Variants in SLC45A1 observed in about 807,000 individuals in gnomAD.
The protein encoded by SLC45A1 is proton-associated sugar transporter A.
SLC45A1 carries 28 observed loss-of-function variants against 57.6 expected under a neutral mutation model. The ratio of observed to expected loss-of-function variants is 0.49; its 90% CI spans 0.36 to 0.67. The LOEUF (loss-of-function observed/expected upper bound fraction) is 0.67, where lower values mean the gene tolerates loss of function less well. Ranked by LOEUF, SLC45A1 falls within the 30% of genes least tolerant of loss-of-function variation. The pLI, the probability that SLC45A1 is intolerant of heterozygous loss-of-function variation, is 0.00. For synonymous variants in SLC45A1, 459 were observed against 471.5 expected (o/e 0.97, Z 0.34); for missense variants, 814 against 1,041.5 (o/e 0.78, Z 3.01).
At chr1:8,340,252 TC>T (rs1640768127) in intron 8 of SLC45A1, among the ~76,000 whole-genome samples, 1 of 151,076 alleles carries the variant, frequency 6.6e-6, no homozygotes, top group Non-Finnish European at 1.5e-5. Flanking sequence ...AACCTCCGCC[TC>T]CCGGGTTCAA....
intron 1 of SLC45A1, among the ~76,000 whole-genome samples, chr1:8,319,097 A>G (rs1178614650): frequency 2.0e-5 from 3 of 152,130 alleles, no homozygotes; most frequent in Non-Finnish European, 4.4e-5. Flanking sequence ...CCTGGCCAAC[A>G]TGGTGAAACC....
intron 1 of SLC45A1, among the ~76,000 whole-genome samples, chr1:8,318,533 C>T (rs955051848): frequency 6.6e-6 from 1 of 152,194 alleles, no homozygotes; most frequent in Non-Finnish European, 1.5e-5. Context: ...TCATCCGCTC[C>T]CGGCTCACCT....
Position 8,330,211 on chromosome 1 carries a change from C to T in SLC45A1, c.718C>T (p.Leu240Phe), listed in dbSNP as rs1640340183. ...GLNIHALLAG[L>F]GGGFGYVVGG... ...TCAAACCCTGTCTCTTTCCCCAGGTCTCGGAGGAGGCTTTGGATACGTGGT... is the reference window on the plus strand; with the variant it reads ...TCAAACCCTGTCTCTTTCCCCAGGTTTCGGAGGAGGCTTTGGATACGTGGT... Residue 240 changes from leucine (L) to phenylalanine (F), a missense_variant and splice_region_variant, in exon 5 of 9, where the codon CTC becomes TTC. Leu to Phe is a conservative substitution (Grantham distance 22). Transcript: ENST00000471889. The surrounding 1 kb of genome is among the most constrained non-coding windows in gnomAD (Gnocchi z 8.4). 6.2e-7 allele frequency: 1 copy of T among 1,612,694 alleles called. No homozygotes were observed. Among genetic ancestry groups the T allele is most frequent in the African/African-American group, 1.3e-5 (1 of 74,854 alleles).
intron 8 of SLC45A1, among the ~76,000 whole-genome samples, chr1:8,342,431 CCTCCCA>C (rs1420877775): frequency 6.6e-6 from 1 of 152,120 alleles, no homozygotes; most frequent in Non-Finnish European, 1.5e-5. Context: ...CCCCTCTGAC[CCTCCCA>C]CTCTCCCAGG....
At position 8,330,377 on chromosome 1, in the gene SLC45A1, C is replaced by T. The variant is rs753204552; in HGVS notation, c.884C>T (p.Pro295Leu). 4.3e-6 allele frequency: 7 copies of T among 1,612,888 alleles called. No individual in the cohort carries two copies. The highest frequency in any genetic ancestry group is 1.3e-5 in the African/African-American group (1 of 74,892). ...LVSIPERPLR[P>L]PSEKRAAMKS... ...AGCATCCCTGAGAGGCCGCTGCGGC[C>T]GCCGAGTGAGAAGCGGGCAGCCATG... Residue 295 changes from proline (P) to leucine (L), a missense_variant, in exon 5 of 9, where the codon CCG (proline) becomes CTG (leucine). Physicochemically the swap from Pro to Leu is moderately conservative, Grantham distance 98. Transcript: ENST00000471889. The surrounding 1 kb of genome is among the most constrained non-coding windows in gnomAD (Gnocchi z 8.4).
intron 5 of SLC45A1, among the ~76,000 whole-genome samples, chr1:8,331,853 C>T (rs1398652541): frequency 3.4e-5 from 5 of 148,696 alleles, no homozygotes; most frequent in Non-Finnish European, 4.4e-5. Flanking sequence ...AGTGCAGTGG[C>T]GCCATCTTGG....
In SLC45A1 at chr1:8,330,731, G is replaced by T. The variant is rs755211086; in HGVS notation, c.1238G>T (p.Arg413Leu). 6.2e-7 allele frequency: 1 copy of T among 1,613,076 alleles called. No individual in the cohort carries two copies. Among genetic ancestry groups the T allele is most frequent in the African/African-American group, 1.3e-5 (1 of 74,930 alleles). ...SFPRAPDGFY[R>L]QDRGLLEGRE... ...CCCCGGGCCCCCGACGGCTTCTACCGCCAGGACCGTGGACTTCTGGAGGGC... is the reference window on the plus strand; with the variant it reads ...CCCCGGGCCCCCGACGGCTTCTACCTCCAGGACCGTGGACTTCTGGAGGGC... The change falls in exon 5 of 9, where the codon CGC becomes CTC. Residue 413 changes from arginine (R) to leucine (L), a missense_variant. Transcript: ENST00000471889. The surrounding 1 kb of genome is among the most constrained non-coding windows in gnomAD (Gnocchi z 8.4).
chr1:8,341,952 A>C (rs533493891), intron 8 of SLC45A1, among the ~76,000 whole-genome samples: 2 of 151,854 alleles, frequency 1.3e-5, no homozygotes, highest in African/African-American at 4.8e-5. Flanking sequence ...TCACGCCTGT[A>C]ATCCCAGCAC....
At position 8,343,696 on chromosome 1, in the gene SLC45A1, C is replaced by A. The variant is rs560973455; in HGVS notation, c.1981-51C>A. ...CGCAGGACACACCGAGCTCGGTCAC[C>A]CCGTGCTGGCCGCGGCGTGTCTCGC... On this transcript the variant is annotated intron_variant, in intron 8 of 8. Coordinates refer to ENST00000471889, the MANE Select transcript of SLC45A1 (RefSeq NM_001080397.3). The surrounding 1 kb of genome is among the most constrained non-coding windows in gnomAD (Gnocchi z 7.7). 10 of 1,568,984 alleles carry A rather than the reference C, an allele frequency of 6.4e-6. No individual in the cohort carries two copies. The South Asian group carries it at 8.2e-5, about 13-fold the overall frequency.
At position 8,327,789 on chromosome 1, in the gene SLC45A1, G is replaced by A. The variant is rs1243279776; in HGVS notation, c.715+1747G>A. Among the ~76,000 whole-genome samples the A allele has an allele frequency of 6.6e-6, 1 of 152,220 alleles. No homozygotes were observed. Among genetic ancestry groups the A allele is most frequent in the African/African-American group, 2.4e-5 (1 of 41,450 alleles). On this transcript the variant is annotated intron_variant, in intron 4 of 8. Coordinates refer to ENST00000471889, the MANE Select transcript of SLC45A1 (RefSeq NM_001080397.3). The surrounding 1 kb of genome is among the most constrained non-coding windows in gnomAD (Gnocchi z 4.3). Reference sequence around the variant, plus strand: ...CTCATGCCTGTAACCCCAGCACTTTGAGAGGCTGAAGTGGGTGAATCACTT... The same window carrying A: ...CTCATGCCTGTAACCCCAGCACTTTAAGAGGCTGAAGTGGGTGAATCACTT...
intron 1 of SLC45A1, 97 bp from the exon 2 acceptor site, chr1:8,324,209 G>A (rs1320964011): frequency 2.9e-5 from 32 of 1,107,312 alleles, no homozygotes; most frequent in Admixed American, 1.3e-4. Context: ...TTCGGGGGAT[G>A]GTGTTTGACT....
chr1:8,329,792 C>T (rs768745396), intron 4 of SLC45A1, among the ~76,000 whole-genome samples: 4 of 152,196 alleles, frequency 2.6e-5, no homozygotes, highest in Non-Finnish European at 5.9e-5. Flanking sequence ...GGACAAACAC[C>T]CGCATGCACA....
rs1640919481 is a variant in SLC45A1, at chr1:8,344,009, T to C, written c.2243T>C (p.Val748Ala). 6.2e-7 allele frequency: 1 copy of C among 1,604,746 alleles called. No homozygotes were observed. Among genetic ancestry groups the C allele is most frequent in the Admixed American group, 1.7e-5 (1 of 59,658 alleles). ...DEEHRPLLLN[V>A] ...GAGCACCGGCCCCTCCTGCTGAACG[T>C]CTGACATCGCGGAGCCTCGACTCCG... Residue 748 changes from valine (V) to alanine (A), a missense_variant, in exon 9 of 9, where the codon GTC becomes GCC. Physicochemically the swap from Val to Ala is moderately conservative, Grantham distance 64. Coordinates refer to ENST00000471889, the MANE Select transcript of SLC45A1 (RefSeq NM_001080397.3).
At position 8,326,099 on chromosome 1, in the gene SLC45A1, G is replaced by T; in HGVS notation, c.715+57G>T. The T allele has an allele frequency of 6.9e-7, 1 of 1,444,498 alleles. No individual in the cohort carries two copies. Among genetic ancestry groups the T allele is most frequent in the South Asian group, 1.2e-5 (1 of 86,210 alleles). 89.5% of individuals were successfully genotyped at this position (1,444,498 alleles called of 1,614,324 possible). A position where few individuals can be genotyped will look rare whatever the true frequency, so the allele number is the denominator to read the frequency against. ...CTGCCGGGCTGCAGGCTTCAGACGT[G>T]TGGCTTTCGAGGCCCTTCCTCACTC... On this transcript the variant is annotated intron_variant, in intron 4 of 8. Coordinates refer to ENST00000471889, the MANE Select transcript of SLC45A1 (RefSeq NM_001080397.3). This position sits in a 1 kb window ranked among gnomAD's most constrained non-coding sequence, Gnocchi z 5.5.
At chr1:8,319,843 A>G (rs1639945354) in intron 1 of SLC45A1, among the ~76,000 whole-genome samples, 1 of 152,020 alleles carries the variant, frequency 6.6e-6, no homozygotes, top group South Asian at 2.1e-4. Flanking sequence ...CAGCCTCCGG[A>G]GTAGCTGGGA....
chr1:8,339,266 G>A (rs1640725286), intron 7 of SLC45A1, among the ~76,000 whole-genome samples: 1 of 152,222 alleles, frequency 6.6e-6, no homozygotes, highest in Non-Finnish European at 1.5e-5. Flanking sequence ...CCCTGGTCCT[G>A]CCATCTATCC....
In SLC45A1 at chr1:8,324,535, C is replaced by A. The variant is rs576774483; in HGVS notation, c.206C>A (p.Pro69Gln). Residue 69 changes from proline (P) to glutamine (Q), a missense_variant, in exon 2 of 9, where the codon CCG becomes CAG. Coordinates refer to ENST00000471889, the MANE Select transcript of SLC45A1 (RefSeq NM_001080397.3). ...SPPPPPNTPC[P>Q]LELVDFGDLH... ...CCCCCGCCCCCCAACACCCCGTGCC[C>A]GCTTGAGCTGGTGGACTTCGGGGAC... is the stretch of plus-strand genomic sequence containing the variant. 6.2e-7 allele frequency: 1 copy of A among 1,611,724 alleles called. No homozygotes were observed. Among genetic ancestry groups the A allele is most frequent in the Non-Finnish European group, 8.5e-7 (1 of 1,179,422 alleles).
chr1:8,343,919 T>C lies in SLC45A1; in HGVS notation c.2153T>C (p.Leu718Pro). Residue 718 changes from leucine (L) to proline (P), a missense_variant, in exon 9 of 9, where the codon CTG becomes CCG. Physicochemically the swap from Leu to Pro is moderately conservative, Grantham distance 98. Transcript: ENST00000471889. The surrounding 1 kb of genome is among the most constrained non-coding windows in gnomAD (Gnocchi z 7.7). Reference sequence around the variant, plus strand: ...TACTTCTCCAGCCTCGTGTCCTTCCTGGGCTGCCTGTACTCCTCCCTGTTT... The same window carrying C: ...TACTTCTCCAGCCTCGTGTCCTTCCCGGGCTGCCTGTACTCCTCCCTGTTT... ...VMYFSSLVSF[L>P]GCLYSSLFVI... 6.2e-7 allele frequency: 1 copy of C among 1,614,176 alleles called. No individual in the cohort carries two copies. Among genetic ancestry groups the C allele is most frequent in the Non-Finnish European group, 8.5e-7 (1 of 1,180,028 alleles).
rs1158276160 is a variant in SLC45A1, at chr1:8,326,296, G to A, written c.715+254G>A. ...TTATATTCGTGGATTCTCATTGTTT[G>A]AGGTAGTTATGTTCTGCAGAGTCAC... is the stretch of plus-strand genomic sequence containing the variant. On this transcript the variant is annotated intron_variant, in intron 4 of 8. Coordinates refer to ENST00000471889, the MANE Select transcript of SLC45A1 (RefSeq NM_001080397.3). This position sits in a 1 kb window ranked among gnomAD's most constrained non-coding sequence, Gnocchi z 5.5. Among the ~76,000 whole-genome samples the A allele has an allele frequency of 1.3e-5, 2 of 152,188 alleles. No homozygotes were observed. The highest frequency in any genetic ancestry group is 2.9e-5 in the Non-Finnish European group (2 of 68,024).
Sources: allele counts gnomAD v4.1 joint callset (sites outside exome capture counted in the v4.1 genomes callset), GRCh38; gene constraint gnomAD v4.1.1; non-coding constraint Gnocchi (gnomAD v3.1); transcripts MANE v1.5; gene names NCBI Gene and HGNC (gene_info 2026-07-23, HGNC 2026-07-21).